The following ICA1 variants were observed in gnomAD, a reference collection of about 807,000 sequenced individuals.
ICA1 encodes the protein islet cell autoantigen 1, also known as 69 kDa islet cell autoantigen.
ICA1 carries 40 observed loss-of-function variants against 71.0 expected under a neutral mutation model. The observed-to-expected ratio is 0.56, with a 90% CI of 0.44 to 0.73. ICA1 has a LOEUF of 0.73. ICA1 is among the 30% of genes least tolerant of loss of function. ICA1 has a pLI of 0.00. For synonymous variants in ICA1, 207 were observed against 209.5 expected, an observed-to-expected ratio of 0.99 and a Z score of 0.10; for missense variants, 578 against 576.5, an observed-to-expected ratio of 1.00 and a Z score of -0.03.
At chr7:8,239,928 A>C (rs1271842316) in intron 1 of ICA1, among the ~76,000 whole-genome samples, 1 of 152,250 alleles carries the variant, frequency 6.6e-6, no homozygotes, top group Admixed American at 6.5e-5. Flanking sequence ...ACTGCAGCTC[A>C]GCAAGGCCTG....
intron 6 of ICA1, among the ~76,000 whole-genome samples, chr7:8,215,081 C>T (rs1794988331): frequency 1.3e-5 from 2 of 152,090 alleles, no homozygotes; most frequent in Non-Finnish European, 2.9e-5. Context: ...CTTAGGCCCT[C>T]GCAATCCCTT....
At position 8,128,128 on chromosome 7, in the gene ICA1, C is replaced by G; in HGVS notation, c.1075G>C (p.Val359Leu). 6.2e-7 allele frequency: 1 copy of G among 1,614,112 alleles called. No individual in the cohort carries two copies. Among genetic ancestry groups the G allele is most frequent in the Non-Finnish European group, 8.5e-7 (1 of 1,179,950 alleles). ...CCTTCAGGTTCCGGGGTCCCTGCCA[C>G]TGGTCCCAGGCAAGCTGATTGAAGT... ...KSEEGACLGP[V>L]AGTPEPEGAD... Residue 359 changes from valine to leucine, a missense_variant, in exon 13 of 14, where the codon GTG becomes CTG. Coordinates refer to ENST00000402384, the MANE Select transcript of ICA1 (RefSeq NM_001136020.3).
chr7:8,118,511 G>A (rs1370665115), intron 13 of ICA1, among the ~76,000 whole-genome samples: 3 of 152,074 alleles, frequency 2.0e-5, no homozygotes, highest in Non-Finnish European at 2.9e-5. Context: ...GCAATAAAAC[G>A]ATTTTTTTTA....
At chr7:8,127,730 T>C in intron 13 of ICA1, 143 bp downstream of exon 13, 1 of 848,566 alleles carries the variant, frequency 1.2e-6, no homozygotes, top group Non-Finnish European at 1.8e-6. Context: ...AAAGTTGGAA[T>C]GTGATTCTGA....
chr7:8,209,676 G>A (rs1792928684), intron 6 of ICA1, among the ~76,000 whole-genome samples: 1 of 152,200 alleles, frequency 6.6e-6, no homozygotes, highest in Admixed American at 6.5e-5. Context: ...AGGCTAAGAA[G>A]CATGTATAAA....
At chr7:8,191,653 T>C (rs906817977) in intron 6 of ICA1, among the ~76,000 whole-genome samples, 4 of 152,100 alleles carry the variant, frequency 2.6e-5, no homozygotes, top group African/African-American at 9.7e-5. Flanking sequence ...ATAACTCCAT[T>C]GTAAGTCAAG....
intron 3 of ICA1, among the ~76,000 whole-genome samples, chr7:8,232,032 A>G (rs1800424974): frequency 1.3e-5 from 2 of 152,164 alleles, no homozygotes; most frequent in South Asian, 2.1e-4. Flanking sequence ...TTTAATCTAA[A>G]CTATTGGCAG....
intron 12 of ICA1, among the ~76,000 whole-genome samples, chr7:8,138,034 G>C (rs1247504432): frequency 6.6e-6 from 1 of 152,130 alleles, no homozygotes; most frequent in Non-Finnish European, 1.5e-5. Flanking sequence ...TCTGGAGTTT[G>C]GCTCTAAATT....
At chr7:8,199,917 A>G (rs979326132) in intron 6 of ICA1, among the ~76,000 whole-genome samples, 6 of 152,194 alleles carry the variant, frequency 3.9e-5, no homozygotes, top group African/African-American at 1.4e-4. Flanking sequence ...GGGAAGGGTA[A>G]TGGGAAGTGG....
Position 8,242,742 on chromosome 7 carries a change from G to A in ICA1, c.-79-6737C>T, listed in dbSNP as rs528397674. On this transcript the variant is annotated intron_variant, in intron 1 of 13. Transcript: ENST00000402384. The stretch of plus-strand genomic sequence containing the variant: ...AAATGATAAAGGGGATATCACCACC[G>A]ATCCCACAGAAATACAAACTACCAT... Among the ~76,000 whole-genome samples the A allele has an allele frequency of 1.0e-3, 158 of 152,238 alleles. 1 individual carries two copies. Among genetic ancestry groups the A allele is most frequent in the Middle Eastern group, 3.4e-3 (1 of 294 alleles).
chr7:8,162,877 C>A (rs966099674), intron 6 of ICA1, among the ~76,000 whole-genome samples: 1 of 152,210 alleles, frequency 6.6e-6, no homozygotes, highest in African/African-American at 2.4e-5. Context: ...AATTCTCCTG[C>A]CTCGGCCTCC....
rs3807845 is a variant in ICA1, at chr7:8,134,715, T to C, written c.1060+4125A>G. On this transcript the variant is annotated intron_variant, in intron 12 of 13. Transcript: ENST00000402384. ...AACAAGAAAAACATATTCTATATTA[T>C]AACAAACTGTACTTGTTTGGAACTC... Among the ~76,000 whole-genome samples the C allele has an allele frequency of 6.9e-3, 1,057 of 152,276 alleles. 50 individuals carry two copies. In the South Asian group the frequency reaches 0.11, roughly 16 times the overall value.
rs1791902489 is a variant in ICA1 at position 8,132,639 on chromosome 7, GCT to G, written c.1061-4499_1061-4498del. ...ATCTCCTGGGAGTCCCCATGAGGCG[GCT>G]CTCTCGGATGACCTCCCATCTCCCT... On this transcript the variant is annotated intron_variant, in intron 12 of 13. Coordinates refer to ENST00000402384, the MANE Select transcript of ICA1 (RefSeq NM_001136020.3). The surrounding 1 kb of genome is among the most constrained non-coding windows in gnomAD (Gnocchi z 4.5). Among the ~76,000 whole-genome samples the G allele has an allele frequency of 2.0e-5, 3 of 152,294 alleles. No homozygotes were observed. The South Asian group carries it at 6.2e-4, about 32-fold the overall frequency.
chr7:8,176,188 G>C (rs1780576196), intron 6 of ICA1, among the ~76,000 whole-genome samples: 1 of 152,220 alleles, frequency 6.6e-6, no homozygotes, highest in Non-Finnish European at 1.5e-5. Context: ...CCTTAGTCCA[G>C]AGGTCTCCTT....
chr7:8,117,599 T>G (rs1371504069), intron 13 of ICA1, among the ~76,000 whole-genome samples: 1 of 152,254 alleles, frequency 6.6e-6, no homozygotes, highest in East Asian at 1.9e-4. Flanking sequence ...GCTGATTAAA[T>G]GGATTGTTGA....
intron 2 of ICA1, among the ~76,000 whole-genome samples, chr7:8,233,945 G>A (rs1017835101): frequency 3.3e-5 from 5 of 152,150 alleles, no homozygotes; most frequent in East Asian, 1.9e-4. Context: ...GAAACTGGCC[G>A]GGCATGGTGG....
At position 8,153,836 on chromosome 7, in the gene ICA1, A is replaced by AATATATATATATAT. The variant is rs33924786; in HGVS notation, c.804+3266_804+3279dup. On this transcript the variant is annotated intron_variant, in intron 8 of 13. Coordinates refer to ENST00000402384, the MANE Select transcript of ICA1 (RefSeq NM_001136020.3). ...AATATATTAATTACAACTCATGCAG[A>AATATATATATATAT]ATATATATATATATATATATATGTA... Among the ~76,000 whole-genome samples, 845 of 137,078 alleles carry AATATATATATATAT rather than the reference A, an allele frequency of 6.2e-3. 18 individuals are homozygous for AATATATATATATAT. The highest frequency in any genetic ancestry group is 0.021 in the African/African-American group (782 of 37,482). The allele number at this position is 137,078 out of a possible 152,430, so 89.9% of individuals were successfully genotyped here. A position where few individuals can be genotyped will look rare whatever the true frequency, so the allele number is the denominator to read the frequency against.
chr7:8,113,985 G>A lies in ICA1; in HGVS notation c.1390C>T (p.Pro464Ser). The A allele has an allele frequency of 6.2e-7, 1 of 1,614,094 alleles. No homozygotes were observed. The highest frequency in any genetic ancestry group is 1.1e-5 in the South Asian group (1 of 91,084). ...CCAACAGCATCAGGATTTGAGAGTG[G>A]GTCGAGGTCAGCGAAGAGGCTGAAC... is the stretch of plus-strand genomic sequence containing the variant. ...AWFSLFADLD[P>S]LSNPDAVGKT... The change falls in exon 14 of 14, where the codon CCA (proline) becomes TCA (serine). Residue 464 changes from proline (P) to serine (S), a missense_variant. Coordinates refer to ENST00000402384, the MANE Select transcript of ICA1 (RefSeq NM_001136020.3). This position sits in a 1 kb window ranked among gnomAD's most constrained non-coding sequence, Gnocchi z 4.2.
chr7:8,113,582 T>C lies in ICA1; in HGVS notation c.*341A>G, dbSNP rs567371629. 161 of 202,006 alleles carry C rather than the reference T, an allele frequency of 8.0e-4. No homozygotes were observed. The highest frequency in any genetic ancestry group is 3.4e-3 in the African/African-American group (148 of 43,160). 12.5% of individuals were successfully genotyped at this position (202,006 alleles called of 1,614,324 possible). On this transcript the variant is annotated 3_prime_UTR_variant, in exon 14 of 14. Transcript: ENST00000402384. The surrounding 1 kb of genome is among the most constrained non-coding windows in gnomAD (Gnocchi z 4.2). ...GCCTCTGAGGCTGTAGGACACGTCATTCAAACCTACCATCAAAGTAGGCTT... is the reference window on the plus strand; with the variant it reads ...GCCTCTGAGGCTGTAGGACACGTCACTCAAACCTACCATCAAAGTAGGCTT...
Sources: gnomAD v4.1 joint callset for allele counts (sites outside exome capture counted in the v4.1 genomes callset) on GRCh38, gnomAD v4.1.1 for gene constraint, Gnocchi (gnomAD v3.1) non-coding constraint, MANE v1.5 for transcripts, NCBI Gene and HGNC (gene_info 2026-07-23, HGNC 2026-07-21) for gene names.